The following MACC1 variants were observed in gnomAD, a reference collection of about 807,000 sequenced individuals.
The protein encoded by MACC1 is metastasis-associated in colon cancer protein 1.
Under a neutral mutation model 70.7 loss-of-function variants are expected in MACC1, and 79 were observed. The ratio of observed to expected loss-of-function variants is 1.12; its 90% CI spans 0.93 to 1.35. MACC1 has a LOEUF of 1.35. MACC1 is among the 40% of genes most tolerant of loss of function. MACC1 has a pLI of 0.00. For synonymous variants in MACC1, 361 were observed against 347.2 expected, an observed-to-expected ratio of 1.04 and a Z score of -0.44; for missense variants, 1,106 against 978.1, an observed-to-expected ratio of 1.13 and a Z score of -1.74.
Position 20,159,294 on chromosome 7 carries a change from G to A in MACC1, c.1067C>T (p.Pro356Leu), listed in dbSNP as rs143555326. ...ATCCCAAATGGTGGCAGCTGGTGAC[G>A]GAAGAGCTTTAGCTTGTGCAGCAAC... is the stretch of plus-strand genomic sequence containing the variant. ...LVVAAQAKALPSPAATIWDYI... is the reference protein window; with the variant it reads ...LVVAAQAKALLSPAATIWDYI... The change falls in exon 5 of 7, where the codon CCG (proline) becomes CTG (leucine). Residue 356 changes from proline (P) to leucine (L), a missense_variant. Physicochemically the swap from Pro to Leu is moderately conservative, Grantham distance 98 (BLOSUM62 -3). Coordinates refer to ENST00000400331, the MANE Select transcript of MACC1 (RefSeq NM_182762.4). The A allele has an allele frequency of 4.9e-4, 786 of 1,613,992 alleles. 2 individuals carry two copies. Among genetic ancestry groups the A allele is most frequent in the Middle Eastern group, 3.3e-3 (20 of 6,060 alleles).
At chr7:20,193,302 TA>T (rs547948883) in intron 1 of MACC1, among the ~76,000 whole-genome samples, 198 of 152,310 alleles carry the variant, frequency 1.3e-3, no homozygotes, top group African/African-American at 4.5e-3. Flanking sequence ...GTCACCTTTA[TA>T]AAAAATGGTT....
chr7:20,216,066 A>G (rs1471698345), intron 1 of MACC1, among the ~76,000 whole-genome samples: 2 of 152,160 alleles, frequency 1.3e-5, no homozygotes, highest in African/African-American at 4.8e-5. Context: ...ATAATCATGT[A>G]ATTAAGTTCA....
rs906018903 is a variant in MACC1, at chr7:20,139,628, G to A, written c.*1318C>T. 7 of 152,074 alleles carry A rather than the reference G, an allele frequency of 4.6e-5. No individual in the cohort carries two copies. Among genetic ancestry groups the A allele is most frequent in the Admixed American group, 2.6e-4 (4 of 15,268 alleles). The allele number at this position is 152,074 out of a possible 1,614,324, so 9.4% of individuals were successfully genotyped here. A position where few individuals can be genotyped will look rare whatever the true frequency, so the allele number is the denominator to read the frequency against. On this transcript the variant is annotated 3_prime_UTR_variant, in exon 7 of 7. Coordinates refer to ENST00000400331, the MANE Select transcript of MACC1 (RefSeq NM_182762.4). ...AATAGACACATATACTCTACCTATT[G>A]ACTGAATGACAATAAATGAATGTCT...
chr7:20,205,717 C>A, intron 1 of MACC1, among the ~76,000 whole-genome samples: 1 of 152,058 alleles, frequency 6.6e-6, no homozygotes, highest in East Asian at 1.9e-4. Flanking sequence ...TGTTTCTTCT[C>A]ACTTTCAGTA....
chr7:20,151,300 A>G (rs1781973846), intron 6 of MACC1, among the ~76,000 whole-genome samples: 1 of 152,200 alleles, frequency 6.6e-6, no homozygotes, highest in Admixed American at 6.5e-5. Context: ...TTCAACATTT[A>G]AAAAGTGAGC....
intron 1 of MACC1, among the ~76,000 whole-genome samples, chr7:20,206,542 C>T (rs562118188): frequency 1.3e-4 from 20 of 152,240 alleles, no homozygotes; most frequent in African/African-American, 4.3e-4. Flanking sequence ...AATGTTATTA[C>T]ATCAGAGAGC....
At position 20,135,681 on chromosome 7, in the gene MACC1, C is replaced by CTGCCGTAATGAT. The variant is rs1359189085; in HGVS notation, c.*5253_*5264dup. On this transcript the variant is annotated 3_prime_UTR_variant, in exon 7 of 7. Transcript: ENST00000400331. Reference sequence around the variant, plus strand: ...TGCTGCTGCTGAAGTTGAAGAACCACTGCCGTAATGATTGCCTGGTCTAAG... The same window carrying CTGCCGTAATGAT: ...TGCTGCTGCTGAAGTTGAAGAACCACTGCCGTAATGATTGCCGTAATGATTGCCTGGTCTAAG... 3.3e-5 allele frequency: 5 copies of CTGCCGTAATGAT among 152,258 alleles called. No homozygotes were observed. Among genetic ancestry groups the CTGCCGTAATGAT allele is most frequent in the Non-Finnish European group, 7.3e-5 (5 of 68,076 alleles). The allele number at this position is 152,258 out of a possible 1,614,324, so 9.4% of individuals were successfully genotyped here. A position where few individuals can be genotyped will look rare whatever the true frequency, so the allele number is the denominator to read the frequency against.
intron 1 of MACC1, among the ~76,000 whole-genome samples, chr7:20,186,538 A>C (rs1296563025): frequency 6.6e-6 from 1 of 152,144 alleles, no homozygotes; most frequent in Non-Finnish European, 1.5e-5. Context: ...TTAAAAATGG[A>C]AAATTAGTCT....
At chr7:20,169,135 T>C (rs2128104123) in intron 2 of MACC1, among the ~76,000 whole-genome samples, 1 of 152,308 alleles carries the variant, frequency 6.6e-6, no homozygotes, top group South Asian at 2.1e-4. Flanking sequence ...ACTTTCATTG[T>C]GAAAAACATT....
At chr7:20,196,214 G>C (rs1293738118) in intron 1 of MACC1, among the ~76,000 whole-genome samples, 1 of 151,616 alleles carries the variant, frequency 6.6e-6, no homozygotes, top group African/African-American at 2.4e-5. Flanking sequence ...ATGGATTCTC[G>C]CTGTCTCCCA....
At chr7:20,216,346 TA>T in intron 1 of MACC1, among the ~76,000 whole-genome samples, 1 of 152,246 alleles carries the variant, frequency 6.6e-6, no homozygotes, top group South Asian at 2.1e-4. Context: ...TTAATTGTGG[TA>T]AAAAACTTAA....
At chr7:20,154,541 G>T (rs1050669538) in intron 5 of MACC1, among the ~76,000 whole-genome samples, 160 bp from the exon 6 acceptor site, 2 of 152,088 alleles carry the variant, frequency 1.3e-5, no homozygotes, top group African/African-American at 4.8e-5. Context: ...TCACATTTAA[G>T]CAAATTCTAT....
chr7:20,202,367 T>C (rs910250802), intron 1 of MACC1, among the ~76,000 whole-genome samples: 1 of 152,208 alleles, frequency 6.6e-6, no homozygotes, highest in Non-Finnish European at 1.5e-5. Flanking sequence ...TTCCTTCTTT[T>C]AGAAATTTCT....
chr7:20,210,806 A>T (rs1440578434), intron 1 of MACC1, among the ~76,000 whole-genome samples: 1 of 152,194 alleles, frequency 6.6e-6, no homozygotes, highest in African/African-American at 2.4e-5. Context: ...GATTAAATAC[A>T]TTAATTAACT....
chr7:20,142,816 A>G (rs894904230), intron 6 of MACC1, among the ~76,000 whole-genome samples: 14 of 152,220 alleles, frequency 9.2e-5, no homozygotes, highest in African/African-American at 1.9e-4. Context: ...TATTCACTTA[A>G]AAGTCCCTGA....
chr7:20,167,633 CACA>C (rs1236909066), intron 2 of MACC1, among the ~76,000 whole-genome samples: 1 of 151,276 alleles, frequency 6.6e-6, no homozygotes, highest in Non-Finnish European at 1.5e-5. Flanking sequence ...TTGAACTCTA[CACA>C]ACACTTTCTA....
chr7:20,154,550 A>G (rs772341722), intron 5 of MACC1, among the ~76,000 whole-genome samples, 169 bp from the exon 6 acceptor site: 9 of 152,342 alleles, frequency 5.9e-5, no homozygotes, highest in East Asian at 1.9e-4. Flanking sequence ...AGCAAATTCT[A>G]TAAGCAAACT....
At chr7:20,168,546 T>C (rs960062042) in intron 2 of MACC1, among the ~76,000 whole-genome samples, 13 of 152,192 alleles carry the variant, frequency 8.5e-5, no homozygotes, top group Admixed American at 7.2e-4. Flanking sequence ...AAGAGGAGCA[T>C]GTAACTACTG....
chr7:20,169,582 T>A (rs1782271527), intron 2 of MACC1, among the ~76,000 whole-genome samples: 1 of 152,222 alleles, frequency 6.6e-6, no homozygotes, highest in South Asian at 2.1e-4. Flanking sequence ...CTTGACAGTA[T>A]ATCAGGAGAC....
Sources: gnomAD v4.1 joint callset for allele counts (sites outside exome capture counted in the v4.1 genomes callset) on GRCh38, gnomAD v4.1.1 for gene constraint, MANE v1.5 for transcripts, NCBI Gene and HGNC (gene_info 2026-07-23, HGNC 2026-07-21) for gene names.